The following KIRREL3 variants were observed in gnomAD, a reference collection of about 807,000 sequenced individuals.
KIRREL3 encodes kirre like nephrin family adhesion molecule 3.
A neutral mutation model predicts 89.7 loss-of-function variants in KIRREL3; 36 were observed. The observed-to-expected ratio is 0.40, with a 90% CI of 0.31 to 0.53. The LOEUF is 0.53. Among genes scored for constraint, KIRREL3 ranks in the 20% least tolerant of loss-of-function variants. The pLI is 0.49. For missense variants in KIRREL3, 864 were observed against 1,056.6 expected (o/e 0.82, Z 2.53); for synonymous variants, 445 against 441.4 (o/e 1.01, Z -0.10).
chr11:126,535,499 A>G lies in KIRREL3; in HGVS notation c.134-8812T>C, dbSNP rs1156607538. 6.6e-6 allele frequency among the ~76,000 whole-genome samples: 1 copy of G among 152,062 alleles called. No homozygotes were observed. Among genetic ancestry groups the G allele is most frequent in the African/African-American group, 2.4e-5 (1 of 41,382 alleles). On this transcript the variant is annotated intron_variant, in intron 2 of 16. Transcript: ENST00000525144. The surrounding 1 kb of genome is among the most constrained non-coding windows in gnomAD (Gnocchi z 4.5). ...CCTGAGGGGGAAGAGTCATTTTGCC[A>G]TGGAAGGCGCAGATTACAAGGGCCA... is the stretch of plus-strand genomic sequence containing the variant.
rs1158943556 is a variant in KIRREL3 at position 126,555,021 on chromosome 11, C to T, written c.133+7814G>A. Among the ~76,000 whole-genome samples the T allele has an allele frequency of 6.6e-6, 1 of 152,160 alleles. No homozygotes were observed. Among genetic ancestry groups the T allele is most frequent in the Non-Finnish European group, 1.5e-5 (1 of 68,030 alleles). ...CCATCCCCTTTCCAACTCCTCATTC[C>T]GCCAAGAGCCCCTTCCATCTCCCAA... On this transcript the variant is annotated intron_variant, in intron 2 of 16. Coordinates refer to ENST00000525144, the MANE Select transcript of KIRREL3 (RefSeq NM_032531.4). This position sits in a 1 kb window ranked among gnomAD's most constrained non-coding sequence, Gnocchi z 4.2.
At position 126,978,480 on chromosome 11, in the gene KIRREL3, A is replaced by T. The variant is rs563687422; in HGVS notation, c.55+21975T>A. Reference sequence around the variant, plus strand: ...CCTCAAACAGGTTGCTCCCTCTATCATCCAATATATTCTTGTGTTTACGTG... The same window carrying T: ...CCTCAAACAGGTTGCTCCCTCTATCTTCCAATATATTCTTGTGTTTACGTG... On this transcript the variant is annotated intron_variant, in intron 1 of 16. Transcript: ENST00000525144. The surrounding 1 kb of genome is among the most constrained non-coding windows in gnomAD (Gnocchi z 4.2). 6.6e-6 allele frequency among the ~76,000 whole-genome samples: 1 copy of T among 152,208 alleles called. No homozygotes were observed. The highest frequency in any genetic ancestry group is 2.4e-5 in the African/African-American group (1 of 41,534).
rs1184464071 is a variant in KIRREL3 at position 126,697,954 on chromosome 11, G to A, written c.56-135042C>T. ...AGGGAGGCTCAGAGACTGAGCAAGT[G>A]CCAAGAAGGGAAGATGACAACGCTG... On this transcript the variant is annotated intron_variant, in intron 1 of 16. Transcript: ENST00000525144. This position sits in a 1 kb window ranked among gnomAD's most constrained non-coding sequence, Gnocchi z 4.2. Among the ~76,000 whole-genome samples the A allele has an allele frequency of 1.3e-5, 2 of 152,218 alleles. No homozygotes were observed. Among genetic ancestry groups the A allele is most frequent in the Admixed American group, 6.5e-5 (1 of 15,270 alleles).
rs1011199462 is a variant in KIRREL3 at position 126,575,017 on chromosome 11, C to T, written c.56-12105G>A. 6.6e-6 allele frequency among the ~76,000 whole-genome samples: 1 copy of T among 152,176 alleles called. No individual in the cohort carries two copies. Among genetic ancestry groups the T allele is most frequent in the Non-Finnish European group, 1.5e-5 (1 of 68,042 alleles). ...GAACCACTGGGGTTCTTGACTCAGG[C>T]TCTGTCAGTCCACAGAGGGTGGTTA... On this transcript the variant is annotated intron_variant, in intron 1 of 16. Transcript: ENST00000525144. This position sits in a 1 kb window ranked among gnomAD's most constrained non-coding sequence, Gnocchi z 7.0.
chr11:126,724,467 T>C lies in KIRREL3; in HGVS notation c.56-161555A>G, dbSNP rs574736478. ...TGGACACCCTGGAGGTTCGGAGCCATGTCACTCCCTATCAGCCCTCTCCAA... is the reference window on the plus strand; with the variant it reads ...TGGACACCCTGGAGGTTCGGAGCCACGTCACTCCCTATCAGCCCTCTCCAA... On this transcript the variant is annotated intron_variant, in intron 1 of 16. Transcript: ENST00000525144. This position sits in a 1 kb window ranked among gnomAD's most constrained non-coding sequence, Gnocchi z 4.3. 1.2e-4 allele frequency among the ~76,000 whole-genome samples: 18 copies of C among 152,266 alleles called. No homozygotes were observed. The highest frequency in any genetic ancestry group is 3.6e-4 in the African/African-American group (15 of 41,554).
chr11:126,597,045 G>A lies in KIRREL3; in HGVS notation c.56-34133C>T, dbSNP rs1591795981. Reference sequence around the variant, plus strand: ...CCTAGGAGAATTTTGGAGTGTGGTAGCCAGACAGACCTCTCAGAAATTCCC... The same window carrying A: ...CCTAGGAGAATTTTGGAGTGTGGTAACCAGACAGACCTCTCAGAAATTCCC... On this transcript the variant is annotated intron_variant, in intron 1 of 16. Coordinates refer to ENST00000525144, the MANE Select transcript of KIRREL3 (RefSeq NM_032531.4). Among the ~76,000 whole-genome samples, 3 of 152,226 alleles carry A rather than the reference G, an allele frequency of 2.0e-5. No homozygotes were observed. In the South Asian group the frequency reaches 6.2e-4, roughly 32 times the overall value.
In KIRREL3 at chr11:126,521,346, G is replaced by T; in HGVS notation, c.402C>A (p.Ile134=). 3 of 1,553,430 alleles carry T rather than the reference G, an allele frequency of 1.9e-6. No homozygotes were observed. Among genetic ancestry groups the T allele is most frequent in the Non-Finnish European group, 2.6e-6 (3 of 1,148,016 alleles). ...CTGTGAGGCGTGCGGGGCGGGAGCG[G>T]ATGGCGGCCTGGATGGCCTGGCACT... ...VYECQAIQAA[I]RSRPARLTVL... is the part of the protein sequence containing the mutation. The change falls in exon 4 of 17, where the codon ATC becomes ATA. Residue 134 remains isoleucine (I), a synonymous_variant. Transcript: ENST00000525144. This position sits in a 1 kb window ranked among gnomAD's most constrained non-coding sequence, Gnocchi z 4.1.
At chr11:126,500,929 G>A (rs962095233) in intron 4 of KIRREL3, among the ~76,000 whole-genome samples, 1 of 152,138 alleles carries the variant, frequency 6.6e-6, no homozygotes, top group Non-Finnish European at 1.5e-5. Flanking sequence ...ACAGCTTCTT[G>A]AATGGCTGCT....
rs1049108145 is a variant in KIRREL3 at position 126,897,100 on chromosome 11, T to C, written c.55+103355A>G. On this transcript the variant is annotated intron_variant, in intron 1 of 16. Transcript: ENST00000525144. This position sits in a 1 kb window ranked among gnomAD's most constrained non-coding sequence, Gnocchi z 4.2. ...AGTTATTAAAATACGAAAGATCATC[T>C]CACGAATACGGGCTACAAACAACTC... Among the ~76,000 whole-genome samples, 3 of 152,112 alleles carry C rather than the reference T, an allele frequency of 2.0e-5. No individual in the cohort carries two copies. The highest frequency in any genetic ancestry group is 4.4e-5 in the Non-Finnish European group (3 of 68,028).
intron 2 of KIRREL3, among the ~76,000 whole-genome samples, chr11:126,540,628 T>A (rs1431532162): frequency 6.6e-6 from 1 of 152,222 alleles, no homozygotes; most frequent in Non-Finnish European, 1.5e-5. Context: ...CTTCCATCGA[T>A]CCAGCCAAGG....
chr11:126,980,987 A>G (rs1406163349), intron 1 of KIRREL3, among the ~76,000 whole-genome samples: 5 of 152,178 alleles, frequency 3.3e-5, no homozygotes, highest in Admixed American at 3.3e-4. Context: ...TCACTTAGAA[A>G]TTTTCATCCT....
In KIRREL3 at chr11:126,594,298, G is replaced by T. The variant is rs965721516; in HGVS notation, c.56-31386C>A. Among the ~76,000 whole-genome samples, 1 of 142,744 alleles carries T rather than the reference G, an allele frequency of 7.0e-6. No individual in the cohort carries two copies. The allele number at this position is 142,744 out of a possible 152,430, so 93.6% of individuals were successfully genotyped here. On this transcript the variant is annotated intron_variant, in intron 1 of 16. Transcript: ENST00000525144. The surrounding 1 kb of genome is among the most constrained non-coding windows in gnomAD (Gnocchi z 5.0). ...GGGTCGGAGCCACAGGATTCATGGC[G>T]TACTGTGATTTTTTTGTTGTTGCTA...
At chr11:126,893,551 G>A (rs1187150311) in intron 1 of KIRREL3, among the ~76,000 whole-genome samples, 6 of 152,120 alleles carry the variant, frequency 3.9e-5, no homozygotes, top group South Asian at 2.1e-4. Context: ...ACATTGAACC[G>A]GCCACCTGAA....
At chr11:126,712,185 G>C (rs747585382) in intron 1 of KIRREL3, among the ~76,000 whole-genome samples, 8 of 152,128 alleles carry the variant, frequency 5.3e-5, no homozygotes, top group Non-Finnish European at 1.0e-4. Flanking sequence ...TTGTTTGAAT[G>C]TGAATTATCT....
chr11:126,661,481 T>G (rs1488965179), intron 1 of KIRREL3, among the ~76,000 whole-genome samples: 2 of 152,236 alleles, frequency 1.3e-5, no homozygotes, highest in Admixed American at 1.3e-4. Context: ...AGAAAGCCTA[T>G]GTCTAGGATT....
rs912675481 is a variant in KIRREL3 at position 126,471,681 on chromosome 11, C to T, written c.591+1628G>A. Among the ~76,000 whole-genome samples, 23 of 151,760 alleles carry T rather than the reference C, an allele frequency of 1.5e-4. No homozygotes were observed. Among genetic ancestry groups the T allele is most frequent in the Non-Finnish European group, 2.9e-4 (20 of 67,974 alleles). ...GAGATTTAGGGTAGGGGTATAATGTCCTGGACTATGGAGCCTGATGAAAAA... is the reference window on the plus strand; with the variant it reads ...GAGATTTAGGGTAGGGGTATAATGTTCTGGACTATGGAGCCTGATGAAAAA... On this transcript the variant is annotated intron_variant, in intron 5 of 16. Coordinates refer to ENST00000525144, the MANE Select transcript of KIRREL3 (RefSeq NM_032531.4). This position sits in a 1 kb window ranked among gnomAD's most constrained non-coding sequence, Gnocchi z 5.4.
Position 126,578,265 on chromosome 11 carries a change from T to C in KIRREL3, c.56-15353A>G, listed in dbSNP as rs1941361718. Among the ~76,000 whole-genome samples the C allele has an allele frequency of 6.6e-6, 1 of 152,100 alleles. No individual in the cohort carries two copies. Among genetic ancestry groups the C allele is most frequent in the Non-Finnish European group, 1.5e-5 (1 of 68,006 alleles). On this transcript the variant is annotated intron_variant, in intron 1 of 16. Coordinates refer to ENST00000525144, the MANE Select transcript of KIRREL3 (RefSeq NM_032531.4). The surrounding 1 kb of genome is among the most constrained non-coding windows in gnomAD (Gnocchi z 4.9). ...TGCTTGCAGCCCAGGAAATGCTCCCTCCCTCTCCCCTCCAGCTTCTCTGCA... is the reference window on the plus strand; with the variant it reads ...TGCTTGCAGCCCAGGAAATGCTCCCCCCCTCTCCCCTCCAGCTTCTCTGCA...
At chr11:126,902,037 C>A (rs959640439) in intron 1 of KIRREL3, among the ~76,000 whole-genome samples, 1 of 152,214 alleles carries the variant, frequency 6.6e-6, no homozygotes, top group African/African-American at 2.4e-5. Context: ...ATGACTAACA[C>A]CCCCTAGGTG....
chr11:126,823,622 G>A (rs1943300545), intron 1 of KIRREL3, among the ~76,000 whole-genome samples: 1 of 152,190 alleles, frequency 6.6e-6, no homozygotes, highest in Admixed American at 6.5e-5. Flanking sequence ...GTTTGTCACT[G>A]CTAGCACCAG....
Sources: allele counts gnomAD v4.1 joint callset (sites outside exome capture counted in the v4.1 genomes callset), GRCh38; gene constraint gnomAD v4.1.1; non-coding constraint Gnocchi (gnomAD v3.1); transcripts MANE v1.5; gene names NCBI Gene and HGNC (gene_info 2026-07-23, HGNC 2026-07-21).